UBA52: variants seen among roughly 807,000 people sequenced by gnomAD.
UBA52 encodes ubiquitin A-52 residue ribosomal protein fusion product 1.
Under a neutral mutation model 15.3 loss-of-function variants are expected in UBA52, and 1 was observed. The ratio of observed to expected loss-of-function variants is 0.07; its 90% CI spans 0.02 to 0.31. The LOEUF is 0.31. Among genes scored for constraint, UBA52 ranks in the 10% least tolerant of loss-of-function variants. UBA52 has a pLI of 1.00. For synonymous variants in UBA52, 50 were observed against 58.3 expected, an observed-to-expected ratio of 0.86 and a Z score of 0.65; for missense variants, 87 against 168.0, an observed-to-expected ratio of 0.52 and a Z score of 2.66.
chr19:18,572,918 A>AT, intron 1 of UBA52: 1 of 1,098,148 alleles, frequency 9.1e-7, no homozygotes, highest in South Asian at 2.4e-5. Context: ...AGAGGGTGGG[A>AT]CCGCCTTCAG....
chr19:18,573,211 C>T (rs1975595464), intron 1 of UBA52, 82 bp from the exon 2 acceptor site: 1 of 1,358,864 alleles, frequency 7.4e-7, no homozygotes, highest in Non-Finnish European at 1.0e-6. Context: ...AAAGGGATAG[C>T]AACTGTGGTG....
At chr19:18,566,154 A>G in the UBA52 span, among the ~76,000 whole-genome samples, 3 of 152,120 alleles carry the variant, frequency 2.0e-5, no homozygotes, top group Non-Finnish European at 4.4e-5. Context: ...ATTCTTAAAA[A>G]ATGTAACACA....
the UBA52 span, chr19:18,565,108 A>C: frequency 6.4e-7 from 1 of 1,553,262 alleles, no homozygotes; most frequent in South Asian, 1.2e-5. Context: ...ACCAGGGTAA[A>C]GGGAGATTTC....
At chr19:18,566,999 G>A, upstream of UBA52, 1 of 732,370 alleles carries the variant, frequency 1.4e-6, no homozygotes, top group Non-Finnish European at 2.4e-6. Flanking sequence ...GAAGATGTGA[G>A]GTGATGAACA....
intron 1 of UBA52, chr19:18,572,334 A>C (rs73529583): frequency 1.3e-5 from 2 of 152,028 alleles, no homozygotes; most frequent in Non-Finnish European, 2.9e-5. Context: ...TCTTTAGACT[A>C]TTTGTATTTT....
the UBA52 span, among the ~76,000 whole-genome samples, chr19:18,563,791 C>T: frequency 4.6e-5 from 7 of 152,202 alleles, no homozygotes; most frequent in Admixed American, 3.3e-4. Context: ...TGTGAGCCAC[C>T]GTGCCCGGCC....
At position 18,575,152 on chromosome 19, in the gene UBA52, G is replaced by T; in HGVS notation, c.*2G>T. ...CGTCCCAAGAAGAAGGTCAAATAAGGTGGTTCTTTCCTTGAAGGGCAGCCT... is the reference window on the plus strand; with the variant it reads ...CGTCCCAAGAAGAAGGTCAAATAAGTTGGTTCTTTCCTTGAAGGGCAGCCT... On this transcript the variant is annotated 3_prime_UTR_variant, in exon 5 of 5. Coordinates refer to ENST00000442744, the MANE Select transcript of UBA52 (RefSeq NM_001033930.3). 1 of 1,614,174 alleles carries T rather than the reference G, an allele frequency of 6.2e-7. No individual in the cohort carries two copies. Among genetic ancestry groups the T allele is most frequent in the Non-Finnish European group, 8.5e-7 (1 of 1,180,032 alleles).
intron 3 of UBA52, 139 bp from the exon 4 acceptor site, chr19:18,574,731 A>G (rs1359643505): frequency 3.7e-6 from 4 of 1,090,910 alleles, no homozygotes; most frequent in African/African-American, 1.6e-5. Flanking sequence ...TTCCACACGT[A>G]GAACACTCGG....
At chr19:18,574,445 C>A (rs183536134) in intron 3 of UBA52, among the ~76,000 whole-genome samples, 2,142 of 151,888 alleles carry the variant, frequency 0.014, 19 homozygotes, top group Non-Finnish European at 0.024. Flanking sequence ...CCCGCCACCA[C>A]GCCCAGCTAA....
chr19:18,572,616 C>T (rs1975554279), intron 1 of UBA52: 1 of 191,706 alleles, frequency 5.2e-6, no homozygotes, highest in Non-Finnish European at 9.6e-6. Flanking sequence ...AGGCATGAGC[C>T]CCTGCGCCCG....
chr19:18,567,862 C>A (rs926608886), upstream of UBA52, among the ~76,000 whole-genome samples: 1 of 152,178 alleles, frequency 6.6e-6, no homozygotes, highest in Middle Eastern at 3.2e-3. Context: ...GCCAGGTTCG[C>A]CCTCAGGGCT....
rs1179116042 is a variant in UBA52, at chr19:18,574,957, A to T, written c.278A>T (p.Lys93Met). The stretch of plus-strand genomic sequence containing the variant: ...CTTGCCCAGAAATACAACTGCGACA[A>T]GATGATCTGCCGCAAGTATGTGTGC... ...RQLAQKYNCD[K>M]MICRKCYARL... is the part of the protein sequence containing the mutation. Residue 93 changes from lysine (K) to methionine (M), a missense_variant, in exon 4 of 5, where the codon AAG (lysine) becomes ATG (methionine). Lys to Met is a moderately conservative substitution (Grantham distance 95, BLOSUM62 -1). Coordinates refer to ENST00000442744, the MANE Select transcript of UBA52 (RefSeq NM_001033930.3). The T allele has an allele frequency of 1.2e-6, 2 of 1,614,176 alleles. No individual in the cohort carries two copies. The highest frequency in any genetic ancestry group is 1.7e-6 in the Non-Finnish European group (2 of 1,180,030).
intron 1 of UBA52, chr19:18,572,789 G>GAT: frequency 9.9e-7 from 1 of 1,005,030 alleles, no homozygotes; most frequent in Admixed American, 5.2e-5. Context: ...GGGTGCTCCA[G>GAT]CTTGGAGTTA....
At chr19:18,570,507 CTTTTTTT>C (rs1555752289), upstream of UBA52, among the ~76,000 whole-genome samples, 29 of 44,810 alleles carry the variant, frequency 6.5e-4, no homozygotes, top group African/African-American at 1.2e-3. Context: ...CGCCGTGGCA[CTTTTTTT>C]TTTTTTTTTT....
chr19:18,565,185 C>G, the UBA52 span: 1 of 1,407,434 alleles, frequency 7.1e-7, no homozygotes, highest in Non-Finnish European at 9.2e-7. Context: ...GGGATAAAAT[C>G]TTGACGTAAG....
upstream of UBA52, chr19:18,568,383 T>C: frequency 6.3e-7 from 1 of 1,595,144 alleles, no homozygotes; most frequent in Non-Finnish European, 8.6e-7. Context: ...AAACCAACTC[T>C]TGGGCCTCCT....
chr19:18,572,911 G>A, intron 1 of UBA52: 3 of 1,098,628 alleles, frequency 2.7e-6, no homozygotes, highest in Non-Finnish European at 3.4e-6. Flanking sequence ...CCGTGGAAGA[G>A]GGTGGGACCG....
chr19:18,564,905 C>T, the UBA52 span: 36 of 1,613,788 alleles, frequency 2.2e-5, 1 homozygote, highest in African/African-American at 2.3e-4. Flanking sequence ...AGATGCTGCT[C>T]AACTTCAACA....
rs1975789913 is a variant in UBA52 at position 18,576,538 on chromosome 19, A to C, written c.*1388A>C. On this transcript the variant is annotated 3_prime_UTR_variant, in exon 5 of 5. Coordinates refer to ENST00000442744, the MANE Select transcript of UBA52 (RefSeq NM_001033930.3). ...TGCCTCAGCCTCCCGAGTAGCTGGG[A>C]CTGCATGCTTGTGCCACCACACTCG... is the stretch of plus-strand genomic sequence containing the variant. 6.6e-6 allele frequency: 1 copy of C among 152,044 alleles called. No homozygotes were observed. The highest frequency in any genetic ancestry group is 2.4e-5 in the African/African-American group (1 of 41,364). 9.4% of individuals were successfully genotyped at this position (152,044 alleles called of 1,614,324 possible).
Sources: allele counts gnomAD v4.1 joint callset (sites outside exome capture counted in the v4.1 genomes callset), GRCh38; gene constraint gnomAD v4.1.1; transcripts MANE v1.5; gene names NCBI Gene and HGNC (gene_info 2026-07-23, HGNC 2026-07-21).